STK4: variants seen among roughly 807,000 people sequenced by gnomAD.
The protein encoded by STK4 is serine/threonine kinase 4, also known as serine/threonine-protein kinase 4.
In STK4, 30 loss-of-function variants were observed where a neutral mutation model predicts 64.9. The ratio of observed to expected loss-of-function variants is 0.46; its 90% CI spans 0.35 to 0.63. The LOEUF is 0.63. Ranked by LOEUF, STK4 falls within the 20% of genes least tolerant of loss-of-function variation. The pLI is 0.01. For missense variants in STK4, 466 were observed against 598.5 expected, an observed-to-expected ratio of 0.78 and a Z score of 2.31; for synonymous variants, 177 against 199.0, an observed-to-expected ratio of 0.89 and a Z score of 0.93.
At chr20:45,044,772 A>G (rs1250238709) in intron 10 of STK4, among the ~76,000 whole-genome samples, 1 of 152,218 alleles carries the variant, frequency 6.6e-6, no homozygotes, top group Non-Finnish European at 1.5e-5. Flanking sequence ...TACATTACAT[A>G]AGAAGAAGGG....
At chr20:45,047,863 G>A (rs2068720424) in intron 10 of STK4, among the ~76,000 whole-genome samples, 1 of 152,152 alleles carries the variant, frequency 6.6e-6, no homozygotes, top group Non-Finnish European at 1.5e-5. Context: ...AACTAGCTTT[G>A]TGTCCTTAAG....
At chr20:45,072,268 G>T (rs773301580) in intron 10 of STK4, among the ~76,000 whole-genome samples, 1 of 152,136 alleles carries the variant, frequency 6.6e-6, no homozygotes, top group Non-Finnish European at 1.5e-5. Flanking sequence ...GGGAAATTAA[G>T]GTCTGAGGAG....
At chr20:45,016,423 G>A (rs2068144149) in intron 9 of STK4, among the ~76,000 whole-genome samples, 1 of 152,162 alleles carries the variant, frequency 6.6e-6, no homozygotes, top group South Asian at 2.1e-4. Context: ...CAATAGAAGA[G>A]CAGACATCTT....
At chr20:45,048,114 C>T (rs1209117149) in intron 10 of STK4, among the ~76,000 whole-genome samples, 1 of 152,100 alleles carries the variant, frequency 6.6e-6, no homozygotes, top group Non-Finnish European at 1.5e-5. Context: ...GCTTAGGACA[C>T]CCAGGACGCC....
intron 10 of STK4, among the ~76,000 whole-genome samples, chr20:45,058,811 C>T (rs768597692): frequency 1.1e-4 from 16 of 152,150 alleles, no homozygotes; most frequent in Non-Finnish European, 5.9e-5. Flanking sequence ...AATATTCCTA[C>T]AAGAATGAGG....
chr20:45,041,335 A>T (rs1432761530), intron 10 of STK4, among the ~76,000 whole-genome samples: 1 of 152,052 alleles, frequency 6.6e-6, no homozygotes, highest in Non-Finnish European at 1.5e-5. Flanking sequence ...GCACAGACAA[A>T]TACATGTATG....
At chr20:44,995,375 G>T in intron 6 of STK4, 118 bp downstream of exon 6, 2 of 1,237,798 alleles carry the variant, frequency 1.6e-6, no homozygotes, top group Admixed American at 2.9e-5. Context: ...GGAGGCTGAG[G>T]TGGATGGATC....
In STK4 at chr20:44,990,832, G is replaced by A. The variant is rs562569303; in HGVS notation, c.525+3536G>A. ...CTGCTTCTTAACTCTTTCAACCCAG[G>A]CTTCCTATTTGGATGTCCGTTTTCA... On this transcript the variant is annotated intron_variant, in intron 5 of 10. Transcript: ENST00000372806. Among the ~76,000 whole-genome samples the A allele has an allele frequency of 5.9e-5, 9 of 152,186 alleles. No individual in the cohort carries two copies. The South Asian group carries it at 1.9e-3, about 32-fold the overall frequency.
intron 9 of STK4, among the ~76,000 whole-genome samples, chr20:45,016,887 A>T (rs2068151801): frequency 6.6e-6 from 1 of 152,182 alleles, no homozygotes; most frequent in African/African-American, 2.4e-5. Flanking sequence ...GAGGCAGATA[A>T]ATCTTTCTTC....
intron 9 of STK4, among the ~76,000 whole-genome samples, chr20:45,012,140 A>AT (rs1456330233): frequency 3.3e-5 from 5 of 151,814 alleles, no homozygotes; most frequent in Admixed American, 6.6e-5. Context: ...GGTTCAAGCA[A>AT]TTCCCCTGTC....
intron 10 of STK4, among the ~76,000 whole-genome samples, chr20:45,050,975 A>T (rs549683468): frequency 1.2e-4 from 18 of 152,306 alleles, no homozygotes; most frequent in Admixed American, 7.8e-4. Context: ...CCAAGGGTTT[A>T]AAAAATACAT....
At chr20:45,011,823 A>G (rs1359996960) in intron 9 of STK4, among the ~76,000 whole-genome samples, 1 of 149,176 alleles carries the variant, frequency 6.7e-6, no homozygotes. Flanking sequence ...TTCCTGATAT[A>G]GATCAGGAAT....
chr20:45,064,076 G>A (rs1421866286), intron 10 of STK4, among the ~76,000 whole-genome samples: 2 of 151,524 alleles, frequency 1.3e-5, no homozygotes, highest in Admixed American at 6.6e-5. Context: ...CCAAAGTGCT[G>A]GGATTACAGG....
At position 44,994,992 on chromosome 20, in the gene STK4, GTTTT is replaced by G. The variant is rs367974350; in HGVS notation, c.526-88_526-85del. ...TTGGAAAAGCCTCTTTTTCTCAGTA[GTTTT>G]TTTTTTTTTCTTCTTTTTTTCTCTG... On this transcript the variant is annotated intron_variant, in intron 5 of 10. Coordinates refer to ENST00000372806, the MANE Select transcript of STK4 (RefSeq NM_006282.5). The G allele has an allele frequency of 6.4e-6, 5 of 781,776 alleles. No individual in the cohort carries two copies. In the Admixed American group the frequency reaches 1.1e-4, roughly 17 times the overall value. 48.4% of individuals were successfully genotyped at this position (781,776 alleles called of 1,614,324 possible).
At chr20:45,010,187 G>A (rs1031351318) in intron 9 of STK4, among the ~76,000 whole-genome samples, 1 of 151,978 alleles carries the variant, frequency 6.6e-6, no homozygotes, top group Non-Finnish European at 1.5e-5. Context: ...TCCTGTCTCA[G>A]CCTCCTGAGA....
Position 44,995,605 on chromosome 20 carries a change from CA to C in STK4, c.693+372del, listed in dbSNP as rs60140206. 9.6e-3 allele frequency among the ~76,000 whole-genome samples: 526 copies of C among 54,518 alleles called. 1 individual carries two copies. Among genetic ancestry groups the C allele is most frequent in the East Asian group, 0.021 (30 of 1,442 alleles). The allele number at this position is 54,518 out of a possible 152,430, so 35.8% of individuals were successfully genotyped here. ...TGGGAGAGAGAGTGAGACTCCATCT[CA>C]AAAAAAAAAAAAAAAAAAAAAAAGT... On this transcript the variant is annotated intron_variant, in intron 6 of 10. Coordinates refer to ENST00000372806, the MANE Select transcript of STK4 (RefSeq NM_006282.5).
intron 1 of STK4, among the ~76,000 whole-genome samples, chr20:44,971,665 CTTTTTTTTTTTTT>C (rs71197585): frequency 6.6e-5 from 6 of 90,372 alleles, no homozygotes; most frequent in Middle Eastern, 9.6e-3. Context: ...AGCCACATGA[CTTTTTTTTTTTTT>C]TTTTTTTTTT....
intron 10 of STK4, among the ~76,000 whole-genome samples, chr20:45,065,437 T>C (rs1979484598): frequency 6.6e-6 from 1 of 152,004 alleles, no homozygotes; most frequent in South Asian, 2.1e-4. Context: ...TTTTTGGTGG[T>C]TGTTGTTGTT....
chr20:44,968,055 G>A (rs990975685), intron 1 of STK4, among the ~76,000 whole-genome samples: 2 of 152,150 alleles, frequency 1.3e-5, no homozygotes, highest in African/African-American at 4.8e-5. Flanking sequence ...AGATACAGAG[G>A]GTAGTGATTT....
Sources: allele counts gnomAD v4.1 joint callset (sites outside exome capture counted in the v4.1 genomes callset), GRCh38; gene constraint gnomAD v4.1.1; transcripts MANE v1.5; gene names NCBI Gene and HGNC (gene_info 2026-07-23, HGNC 2026-07-21).